RFX3: variants seen among roughly 807,000 people sequenced by gnomAD.
The protein encoded by RFX3 is regulatory factor X3.
In RFX3, 14 loss-of-function variants were observed where a neutral mutation model predicts 98.6. The observed-to-expected ratio is 0.14, with a 90% CI of 0.09 to 0.22. The LOEUF (loss-of-function observed/expected upper bound fraction) is 0.22. Ranked by LOEUF, RFX3 falls within the 10% of genes least tolerant of loss-of-function variation. The pLI, the probability that RFX3 is intolerant of heterozygous loss-of-function variation, is 1.00. For synonymous variants in RFX3, 383 were observed against 328.4 expected (o/e 1.17, Z -1.80); for missense variants, 639 against 926.9 (o/e 0.69, Z 4.03).
intron 4 of RFX3, among the ~76,000 whole-genome samples, chr9:3,323,699 T>C (rs936714395): frequency 6.6e-6 from 1 of 152,292 alleles, no homozygotes; most frequent in East Asian, 1.9e-4. Context: ...GTTTCAAATA[T>C]GAAGTAGCTA....
chr9:3,254,454 G>A (rs918936759), intron 14 of RFX3, among the ~76,000 whole-genome samples: 1 of 152,018 alleles, frequency 6.6e-6, no homozygotes, highest in Admixed American at 6.5e-5. Context: ...ATTATTCATG[G>A]AGCACATATA....
intron 1 of RFX3, among the ~76,000 whole-genome samples, chr9:3,457,418 C>T (rs1490425866): frequency 6.6e-6 from 1 of 152,110 alleles, no homozygotes; most frequent in Non-Finnish European, 1.5e-5. Flanking sequence ...CCTTTCTTAA[C>T]TTCAATTCCC....
intron 15 of RFX3, among the ~76,000 whole-genome samples, chr9:3,244,975 G>A (rs1820454162): frequency 6.6e-6 from 1 of 152,162 alleles, no homozygotes; most frequent in Non-Finnish European, 1.5e-5. Context: ...GAGATCAGAA[G>A]TCTAGAGTTC....
intron 1 of RFX3, among the ~76,000 whole-genome samples, chr9:3,395,977 T>A (rs1488467587): frequency 6.6e-6 from 1 of 152,178 alleles, no homozygotes; most frequent in Non-Finnish European, 1.5e-5. Flanking sequence ...TGTCATGAAT[T>A]CTACTTTCTT....
chr9:3,380,770 T>C (rs1482687817), intron 2 of RFX3, among the ~76,000 whole-genome samples: 2 of 152,224 alleles, frequency 1.3e-5, no homozygotes, highest in Admixed American at 6.5e-5. Flanking sequence ...AACAATATTT[T>C]CCACGTGAAA....
chr9:3,508,944 T>C (rs1587899132), intron 1 of RFX3, among the ~76,000 whole-genome samples: 1 of 151,104 alleles, frequency 6.6e-6, no homozygotes, highest in East Asian at 1.9e-4. Context: ...TTACTTCTAA[T>C]TGTAAAACAC....
At chr9:3,264,039 T>C (rs938335186) in intron 12 of RFX3, among the ~76,000 whole-genome samples, 6 of 152,192 alleles carry the variant, frequency 3.9e-5, no homozygotes, top group Admixed American at 6.5e-5. Context: ...CCACTATTGC[T>C]AGCCCTGGGA....
intron 9 of RFX3, among the ~76,000 whole-genome samples, chr9:3,272,652 C>A (rs1448799736): frequency 6.6e-6 from 1 of 152,132 alleles, no homozygotes; most frequent in African/African-American, 2.4e-5. Context: ...GTAGCTTAGG[C>A]ACATTCCAAG....
chr9:3,366,694 CT>C (rs1277753817), intron 2 of RFX3, among the ~76,000 whole-genome samples: 222 of 8,314 alleles, frequency 0.027, 5 homozygotes, highest in African/African-American at 0.068. Flanking sequence ...TCTTTCTTTC[CT>C]TTCTTTCTTT....
intron 15 of RFX3, 56 bp from the exon 16 acceptor site, chr9:3,228,945 C>G: frequency 6.9e-7 from 1 of 1,456,118 alleles, no homozygotes; most frequent in South Asian, 1.3e-5. Flanking sequence ...TAAAATAATA[C>G]TCTATCAGTC....
intron 15 of RFX3, among the ~76,000 whole-genome samples, chr9:3,236,108 T>A (rs1296829789): frequency 7.9e-5 from 12 of 152,188 alleles, no homozygotes; most frequent in Admixed American, 7.9e-4. Flanking sequence ...TCACTAAGGA[T>A]AGGGTACAGT....
At chr9:3,441,066 C>A (rs1341886697) in intron 1 of RFX3, among the ~76,000 whole-genome samples, 2 of 152,092 alleles carry the variant, frequency 1.3e-5, no homozygotes, top group African/African-American at 4.8e-5. Context: ...ACACCATACA[C>A]AAAATTAACT....
At chr9:3,408,768 C>T (rs1564061550) in intron 1 of RFX3, among the ~76,000 whole-genome samples, 2 of 152,138 alleles carry the variant, frequency 1.3e-5, no homozygotes, top group East Asian at 1.9e-4. Context: ...TCCAACTTGG[C>T]TTATAGGGTG....
At chr9:3,234,644 AAAC>A (rs1453551301) in intron 15 of RFX3, among the ~76,000 whole-genome samples, 5 of 151,330 alleles carry the variant, frequency 3.3e-5, no homozygotes, top group African/African-American at 1.2e-4. Context: ...GTCTCAAAAC[AAAC>A]AAACAAACAA....
At chr9:3,359,661 T>C (rs1469472056) in intron 2 of RFX3, among the ~76,000 whole-genome samples, 1 of 152,192 alleles carries the variant, frequency 6.6e-6, no homozygotes, top group African/African-American at 2.4e-5. Context: ...CTATATTTAA[T>C]AATTATTCAA....
At chr9:3,296,955 GT>G (rs1370982438) in intron 5 of RFX3, among the ~76,000 whole-genome samples, 1 of 151,950 alleles carries the variant, frequency 6.6e-6, no homozygotes, top group Non-Finnish European at 1.5e-5. Context: ...TAACTTTTAC[GT>G]TTTGACACAG....
intron 13 of RFX3, among the ~76,000 whole-genome samples, chr9:3,258,126 C>G (rs898342791): frequency 1.8e-4 from 27 of 152,180 alleles, no homozygotes; most frequent in Admixed American, 1.2e-3. Context: ...AAACTAACCT[C>G]AAGCAATTAA....
At chr9:3,355,719 A>G (rs1835669345) in intron 2 of RFX3, among the ~76,000 whole-genome samples, 1 of 151,926 alleles carries the variant, frequency 6.6e-6, no homozygotes. Flanking sequence ...TCTATGTAAC[A>G]ACAGCAGAAC....
chr9:3,354,150 AATAAAGT>A (rs1167241634), intron 2 of RFX3, among the ~76,000 whole-genome samples: 2 of 152,040 alleles, frequency 1.3e-5, no homozygotes, highest in Non-Finnish European at 2.9e-5. Context: ...AATGATGAGA[AATAAAGT>A]ATCAATGAAC....
Sources: allele counts gnomAD v4.1 joint callset (sites outside exome capture counted in the v4.1 genomes callset), GRCh38; gene constraint gnomAD v4.1.1; transcripts MANE v1.5; gene names NCBI Gene and HGNC (gene_info 2026-07-23, HGNC 2026-07-21).